Variants in FHIT observed in about 807,000 individuals in gnomAD.
FHIT encodes bis(5'-adenosyl)-triphosphatase.
A neutral mutation model predicts 17.9 loss-of-function variants in FHIT; 19 were observed. The observed-to-expected ratio is 1.06, with a 90% CI of 0.74 to 1.56. The LOEUF is 1.56. Among genes scored for constraint, FHIT ranks in the 40% most tolerant of loss-of-function variants. The probability of loss-of-function intolerance (pLI) is 0.00; values close to 1 mark genes in which losing one functional copy is unlikely to be tolerated. For synonymous variants in FHIT, 81 were observed against 69.7 expected (o/e 1.16, Z -0.81); for missense variants, 248 against 189.2 (o/e 1.31, Z -1.82).
intron 4 of FHIT, among the ~76,000 whole-genome samples, chr3:60,671,320 T>C (rs2040498279): frequency 6.6e-6 from 1 of 152,140 alleles, no homozygotes; most frequent in South Asian, 2.1e-4. Flanking sequence ...GGACTACTAG[T>C]GTTCTCAAAA....
intron 5 of FHIT, among the ~76,000 whole-genome samples, chr3:60,399,645 AG>A (rs1305121357): frequency 1.3e-5 from 2 of 152,194 alleles, no homozygotes; most frequent in African/African-American, 4.8e-5. Context: ...TACTTTTTCT[AG>A]GAAAATGATT....
intron 5 of FHIT, among the ~76,000 whole-genome samples, chr3:60,075,505 AATG>A (rs1327467833): frequency 3.3e-5 from 5 of 152,154 alleles, no homozygotes; most frequent in Admixed American, 6.6e-5. Context: ...GTTTGTTTAA[AATG>A]ATATTTCTCA....
At chr3:59,750,740 A>C in intron 9 of FHIT, 1 of 213,122 alleles carries the variant, frequency 4.7e-6, no homozygotes, top group Non-Finnish European at 9.5e-6. Flanking sequence ...AATACTCTAA[A>C]AAGAGGGCTG....
chr3:61,177,004 T>C (rs1428608692), intron 2 of FHIT, among the ~76,000 whole-genome samples: 2 of 151,924 alleles, frequency 1.3e-5, no homozygotes, highest in South Asian at 4.1e-4. Flanking sequence ...TGAAACCCCG[T>C]CTCTACTAAA....
chr3:61,020,006 C>A (rs1316487615), intron 3 of FHIT, among the ~76,000 whole-genome samples: 1 of 152,160 alleles, frequency 6.6e-6, no homozygotes, highest in Non-Finnish European at 1.5e-5. Context: ...CTAATGCTAT[C>A]CCTCCCCTAG....
At chr3:60,510,547 G>A (rs2034910566) in intron 5 of FHIT, among the ~76,000 whole-genome samples, 1 of 152,192 alleles carries the variant, frequency 6.6e-6, no homozygotes, top group Admixed American at 6.5e-5. Context: ...TTCCACTAGG[G>A]TCAGCATCGA....
At chr3:59,881,195 C>T (rs1002670622) in intron 8 of FHIT, among the ~76,000 whole-genome samples, 7 of 152,056 alleles carry the variant, frequency 4.6e-5, no homozygotes, top group African/African-American at 1.7e-4. Flanking sequence ...ACAGTAGGGA[C>T]AAAATGATAG....
chr3:61,109,810 G>A (rs2036100973), intron 2 of FHIT, among the ~76,000 whole-genome samples: 3 of 152,156 alleles, frequency 2.0e-5, no homozygotes, highest in South Asian at 2.1e-4. Flanking sequence ...CTCAAAAATA[G>A]TGGCTCTCTT....
intron 3 of FHIT, among the ~76,000 whole-genome samples, chr3:60,919,080 G>T (rs1361408154): frequency 1.3e-5 from 2 of 152,102 alleles, no homozygotes; most frequent in Non-Finnish European, 2.9e-5. Context: ...AACCTTTAAA[G>T]TAAGCAAAGG....
intron 3 of FHIT, among the ~76,000 whole-genome samples, chr3:60,851,517 G>A (rs1333650646): frequency 6.6e-6 from 1 of 152,122 alleles, no homozygotes; most frequent in Admixed American, 6.6e-5. Flanking sequence ...ACGTCTAACA[G>A]AATGACCTAT....
chr3:60,744,484 A>C (rs2042317598), intron 4 of FHIT, among the ~76,000 whole-genome samples: 1 of 152,176 alleles, frequency 6.6e-6, no homozygotes, highest in African/African-American at 2.4e-5. Context: ...GGGATCCATG[A>C]CAAGTCCCTC....
intron 1 of FHIT, among the ~76,000 whole-genome samples, chr3:61,244,436 G>C (rs1215253994): frequency 6.6e-6 from 1 of 152,218 alleles, no homozygotes; most frequent in East Asian, 1.9e-4. Flanking sequence ...AATTTAGAAA[G>C]ACTCAATTGC....
At chr3:59,832,927 C>T (rs1191559231) in intron 8 of FHIT, among the ~76,000 whole-genome samples, 1 of 152,138 alleles carries the variant, frequency 6.6e-6, no homozygotes, top group Admixed American at 6.6e-5. Flanking sequence ...TCCAGCTGTG[C>T]CTGAAGACTT....
At chr3:59,944,090 A>C (rs1057233863) in intron 7 of FHIT, among the ~76,000 whole-genome samples, 2 of 152,210 alleles carry the variant, frequency 1.3e-5, no homozygotes, top group African/African-American at 4.8e-5. Context: ...TTTTAGAAAC[A>C]CTTGCTTTGA....
chr3:60,222,429 C>T (rs1185949023), intron 5 of FHIT, among the ~76,000 whole-genome samples: 1 of 152,164 alleles, frequency 6.6e-6, no homozygotes, highest in Admixed American at 6.5e-5. Context: ...GCTCTTTTCA[C>T]CTTTTTACAA....
intron 3 of FHIT, among the ~76,000 whole-genome samples, chr3:60,990,595 GCAATAAACAAA>G (rs2030111131): frequency 6.6e-6 from 1 of 152,148 alleles, no homozygotes; most frequent in Admixed American, 6.5e-5. Flanking sequence ...TTTATAATAA[GCAATAAACAAA>G]CAATAAACAA....
intron 2 of FHIT, among the ~76,000 whole-genome samples, chr3:61,118,472 C>G (rs1297021139): frequency 1.8e-4 from 28 of 152,158 alleles, no homozygotes; most frequent in Admixed American, 1.8e-3. Context: ...ACAAGTTACC[C>G]TCTATCCAGA....
intron 4 of FHIT, among the ~76,000 whole-genome samples, chr3:60,564,189 C>G (rs2037051975): frequency 6.6e-6 from 1 of 152,132 alleles, no homozygotes; most frequent in South Asian, 2.1e-4. Flanking sequence ...AACAACAAAG[C>G]CGGGATGACA....
At chr3:60,818,486 G>T (rs560651481) in intron 4 of FHIT, among the ~76,000 whole-genome samples, 1 of 152,084 alleles carries the variant, frequency 6.6e-6, no homozygotes, top group Non-Finnish European at 1.5e-5. Context: ...GATAATTTGT[G>T]TCTGCTCCAT....
Sources: gnomAD v4.1 joint callset for allele counts (sites outside exome capture counted in the v4.1 genomes callset) on GRCh38, gnomAD v4.1.1 for gene constraint, MANE v1.5 for transcripts, NCBI Gene and HGNC (gene_info 2026-07-23, HGNC 2026-07-21) for gene names.